Variants in DDR2 observed in about 807,000 individuals in gnomAD.
DDR2 encodes the protein discoidin domain receptor tyrosine kinase 2.
In DDR2, 27 loss-of-function variants were observed where a neutral mutation model predicts 94.9. The ratio of observed to expected loss-of-function variants is 0.28; its 90% CI spans 0.21 to 0.39. DDR2 has a LOEUF of 0.39. Among genes scored for constraint, DDR2 ranks in the 10% least tolerant of loss-of-function variants. DDR2 has a pLI of 1.00. For synonymous variants in DDR2, 382 were observed against 377.2 expected (o/e 1.01, Z -0.15); for missense variants, 783 against 1,076.0 (o/e 0.73, Z 3.81).
chr1:162,641,539 A>T (rs1424527550), intron 1 of DDR2, among the ~76,000 whole-genome samples: 1 of 152,246 alleles, frequency 6.6e-6, no homozygotes, highest in African/African-American at 2.4e-5. Context: ...ACCTTATAGC[A>T]TTAACCCATA....
At chr1:162,773,349 G>A in intron 13 of DDR2, 120 bp from the exon 14 acceptor site, 3 of 1,322,270 alleles carry the variant, frequency 2.3e-6, no homozygotes, top group Non-Finnish European at 2.2e-6. Flanking sequence ...CTTCTTATTG[G>A]TCTTTTGATC....
intron 3 of DDR2, among the ~76,000 whole-genome samples, chr1:162,751,047 A>C (rs1008467115): frequency 9.2e-5 from 14 of 152,368 alleles, no homozygotes; most frequent in African/African-American, 3.1e-4. Context: ...AAAACCCTAG[A>C]AGAAAACCTA....
At chr1:162,660,604 A>G (rs1264459279) in intron 2 of DDR2, among the ~76,000 whole-genome samples, 5 of 152,128 alleles carry the variant, frequency 3.3e-5, no homozygotes, top group Admixed American at 2.6e-4. Context: ...CTGACACTCA[A>G]TTACTTAGGT....
At chr1:162,654,749 G>A (rs994628220) in intron 1 of DDR2, among the ~76,000 whole-genome samples, 7 of 151,984 alleles carry the variant, frequency 4.6e-5, no homozygotes, top group South Asian at 2.1e-4. Context: ...ACGAGTGTAC[G>A]GTGGAGTTTT....
chr1:162,674,456 G>A (rs1178077109), intron 2 of DDR2, among the ~76,000 whole-genome samples: 2 of 152,188 alleles, frequency 1.3e-5, no homozygotes, highest in Non-Finnish European at 2.9e-5. Flanking sequence ...ATACACTGAA[G>A]AATGAATGAG....
At chr1:162,755,112 T>G in intron 5 of DDR2, 44 bp from the exon 6 acceptor site, 3 of 1,613,376 alleles carry the variant, frequency 1.9e-6, no homozygotes, top group Non-Finnish European at 2.5e-6. Context: ...AAAGTGAGCA[T>G]GATTTAATAC....
chr1:162,654,471 C>CA (rs1175174981), intron 1 of DDR2, among the ~76,000 whole-genome samples: 1 of 152,052 alleles, frequency 6.6e-6, no homozygotes, highest in Non-Finnish European at 1.5e-5. Context: ...AACAAACAAA[C>CA]AAAAAACCAA....
At chr1:162,661,191 C>G (rs1658277946) in intron 2 of DDR2, among the ~76,000 whole-genome samples, 1 of 152,138 alleles carries the variant, frequency 6.6e-6, no homozygotes, top group Non-Finnish European at 1.5e-5. Flanking sequence ...TGTCCCTCCT[C>G]AAAGAAATGG....
chr1:162,759,907 C>T lies in DDR2; in HGVS notation c.783C>T (p.Asn261=), dbSNP rs759830596. The T allele has an allele frequency of 3.4e-5, 55 of 1,614,026 alleles. No individual in the cohort carries two copies. Among genetic ancestry groups the T allele is most frequent in the Middle Eastern group, 3.3e-4 (2 of 6,084 alleles). The change falls in exon 8 of 18, where the codon AAC becomes AAT. Residue 261 remains asparagine, a synonymous_variant. Transcript: ENST00000367921. ...GCTATGACTATGTGGGCTGGCGGAA[C>T]GAGAGTGCCACCAATGGCTACATTG... ...WPGYDYVGWR[N]ESATNGYIEI... is the part of the protein sequence containing the mutation.
intron 2 of DDR2, among the ~76,000 whole-genome samples, chr1:162,674,711 C>T (rs1358555342): frequency 6.6e-6 from 1 of 152,184 alleles, no homozygotes; most frequent in African/African-American, 2.4e-5. Flanking sequence ...ACTTCTGCCA[C>T]CTGCTAGTAT....
intron 9 of DDR2, 149 bp downstream of exon 9, chr1:162,761,603 A>G: frequency 1.6e-6 from 2 of 1,277,104 alleles, no homozygotes. Context: ...CCTTTGTGTG[A>G]CTAGTTTTAA....
At chr1:162,695,135 G>C (rs561528964) in intron 2 of DDR2, among the ~76,000 whole-genome samples, 2 of 152,272 alleles carry the variant, frequency 1.3e-5, no homozygotes, top group South Asian at 4.1e-4. Flanking sequence ...GTGCTAGGTG[G>C]ACATTCTTTC....
At chr1:162,648,796 C>G (rs1657542519) in intron 1 of DDR2, among the ~76,000 whole-genome samples, 1 of 152,160 alleles carries the variant, frequency 6.6e-6, no homozygotes, top group Non-Finnish European at 1.5e-5. Context: ...ACAAGCACAT[C>G]AGCTGATGTG....
chr1:162,652,512 A>T (rs1001121009), intron 1 of DDR2, among the ~76,000 whole-genome samples: 2 of 152,164 alleles, frequency 1.3e-5, no homozygotes, highest in Non-Finnish European at 2.9e-5. Flanking sequence ...ACATTCCCAG[A>T]CTTCCTAAAA....
intron 2 of DDR2, among the ~76,000 whole-genome samples, chr1:162,678,342 T>C (rs990712301): frequency 1.3e-5 from 2 of 152,162 alleles, no homozygotes; most frequent in Non-Finnish European, 2.9e-5. Context: ...AGTGAGGCAA[T>C]GTATGTGGAG....
intron 5 of DDR2, 112 bp from the exon 6 acceptor site, chr1:162,755,044 G>A: frequency 6.7e-7 from 1 of 1,492,066 alleles, no homozygotes; most frequent in African/African-American, 1.4e-5. Context: ...CAGAGTAGAT[G>A]CATTCTGCTC....
intron 2 of DDR2, among the ~76,000 whole-genome samples, chr1:162,664,409 G>A (rs1477635041): frequency 1.3e-5 from 2 of 151,954 alleles, no homozygotes; most frequent in Non-Finnish European, 2.9e-5. Context: ...GGAATACCCT[G>A]AAAAGGACAA....
intron 1 of DDR2, among the ~76,000 whole-genome samples, chr1:162,637,944 A>G (rs61810407): frequency 0.073 from 11,161 of 152,308 alleles, 438 homozygotes; most frequent in Admixed American, 0.094. Context: ...AGACATTGGT[A>G]TAGGCAAATG....
rs547985571 is a variant in DDR2, at chr1:162,655,187, A to C, written c.-191-24A>C. ...TGAATGGAACCAAAGTCTATAATAA[A>C]ATATTGCTTTCTCTTTTTCCCAGCC... On this transcript the variant is annotated intron_variant, in intron 1 of 17. Transcript: ENST00000367921. 4.6e-5 allele frequency: 7 copies of C among 152,280 alleles called. No homozygotes were observed. In the East Asian group the frequency reaches 1.4e-3, roughly 29 times the overall value. The allele number at this position is 152,280 out of a possible 1,614,324, so 9.4% of individuals were successfully genotyped here. A position where few individuals can be genotyped will look rare whatever the true frequency, so the allele number is the denominator to read the frequency against.
Sources: allele counts gnomAD v4.1 joint callset (sites outside exome capture counted in the v4.1 genomes callset), GRCh38; gene constraint gnomAD v4.1.1; transcripts MANE v1.5; gene names NCBI Gene and HGNC (gene_info 2026-07-23, HGNC 2026-07-21).